Variants in VKORC1L1 observed in about 807,000 individuals in gnomAD.
The protein encoded by VKORC1L1 is vitamin K epoxide reductase complex subunit 1L1.
VKORC1L1 carries 2 observed loss-of-function variants against 18.9 expected under a neutral mutation model. That is an observed-to-expected ratio of 0.11 (90% CI 0.04 to 0.33). The LOEUF (loss-of-function observed/expected upper bound fraction) is 0.33, where lower values mean the gene tolerates loss of function less well. Ranked by LOEUF, VKORC1L1 falls within the 10% of genes least tolerant of loss-of-function variation. The pLI, the probability that VKORC1L1 is intolerant of heterozygous loss-of-function variation, is 1.00. For synonymous variants in VKORC1L1, 96 were observed against 100.0 expected (o/e 0.96, Z 0.24); for missense variants, 123 against 224.1 (o/e 0.55, Z 2.88).
upstream of VKORC1L1, among the ~76,000 whole-genome samples, chr7:65,872,961 T>TCCGCCCCTCCCCACCCCTGCC (rs1360046123): frequency 7.5e-6 from 1 of 132,744 alleles, no homozygotes; most frequent in Non-Finnish European, 1.6e-5. Context: ...CCTCTCTGGC[T>TCCGCCCCTCCCCACCCCTGCC]CCGCCCCTCC....
At chr7:65,932,850 C>T (rs1282835315) in intron 1 of VKORC1L1, among the ~76,000 whole-genome samples, 1 of 152,010 alleles carries the variant, frequency 6.6e-6, no homozygotes, top group Non-Finnish European at 1.5e-5. Context: ...GAGGCCAAGG[C>T]GGGTGGATCA....
intron 1 of VKORC1L1, among the ~76,000 whole-genome samples, chr7:65,883,004 T>C (rs1045582680): frequency 5.9e-5 from 9 of 152,174 alleles, no homozygotes; most frequent in South Asian, 2.1e-4. Flanking sequence ...TCTTTGTGAA[T>C]CCGGTTTTTC....
chr7:65,873,143 G>C lies in VKORC1L1; in HGVS notation c.-229G>C, dbSNP rs1025396218. On this transcript the variant is annotated 5_prime_UTR_variant, in exon 1 of 3. Transcript: ENST00000360768. ...ACCCCCTCCCTCCGCGCCCGCGCGC[G>C]CCTTCCCCGCCCCGTCCGCCTCACT... is the stretch of plus-strand genomic sequence containing the variant. The C allele has an allele frequency of 5.5e-6, 2 of 366,598 alleles. No individual in the cohort carries two copies. The highest frequency in any genetic ancestry group is 7.5e-6 in the Non-Finnish European group (2 of 264,906). 22.7% of individuals were successfully genotyped at this position (366,598 alleles called of 1,614,324 possible).
chr7:65,945,056 T>A (rs2115721948), intron 1 of VKORC1L1, among the ~76,000 whole-genome samples: 1 of 151,154 alleles, frequency 6.6e-6, no homozygotes, highest in South Asian at 2.1e-4. Flanking sequence ...AGGTCAGGTG[T>A]TCAAGACCAG....
At chr7:65,942,361 G>A (rs569915920) in intron 1 of VKORC1L1, among the ~76,000 whole-genome samples, 3 of 151,190 alleles carry the variant, frequency 2.0e-5, no homozygotes, top group East Asian at 2.0e-4. Context: ...ACATGGTGGC[G>A]GGCACCTATA....
At chr7:65,912,867 A>C (rs1034127166) in intron 1 of VKORC1L1, among the ~76,000 whole-genome samples, 3 of 152,242 alleles carry the variant, frequency 2.0e-5, no homozygotes, top group Non-Finnish European at 2.9e-5. Flanking sequence ...CATTTTAGTA[A>C]ATTTACAACA....
intron 1 of VKORC1L1, among the ~76,000 whole-genome samples, chr7:65,933,404 TG>T (rs1789890432): frequency 6.6e-6 from 1 of 152,222 alleles, no homozygotes; most frequent in Non-Finnish European, 1.5e-5. Flanking sequence ...TAAGTTCCCT[TG>T]TCCTGGAGAC....
At chr7:65,867,614 T>C in the VKORC1L1 span, among the ~76,000 whole-genome samples, 28 of 152,272 alleles carry the variant, frequency 1.8e-4, no homozygotes, top group Middle Eastern at 6.8e-3. Flanking sequence ...AAACCTGTGC[T>C]GGGACTGTTG....
chr7:65,898,212 C>T (rs1307959529), intron 1 of VKORC1L1, among the ~76,000 whole-genome samples: 5 of 151,032 alleles, frequency 3.3e-5, no homozygotes, highest in Admixed American at 1.3e-4. Context: ...CTTAGCCTCC[C>T]GAGTGTATGG....
chr7:65,889,140 G>A (rs1486832257), intron 1 of VKORC1L1, among the ~76,000 whole-genome samples: 1 of 135,314 alleles, frequency 7.4e-6, no homozygotes, highest in Non-Finnish European at 1.6e-5. Context: ...ATTAAATGTT[G>A]ATGTCCCACC....
intron 1 of VKORC1L1, among the ~76,000 whole-genome samples, chr7:65,883,723 C>T (rs1788966534): frequency 6.6e-6 from 1 of 152,016 alleles, no homozygotes; most frequent in Admixed American, 6.6e-5. Flanking sequence ...TGGTCTCGAC[C>T]TCCTGACCTC....
intron 1 of VKORC1L1, among the ~76,000 whole-genome samples, chr7:65,889,247 A>C (rs189784485): frequency 1.3e-5 from 2 of 151,944 alleles, no homozygotes; most frequent in African/African-American, 4.8e-5. Flanking sequence ...TTTTATCTCT[A>C]CCCCAACCTC....
chr7:65,868,069 A>ATTC, the VKORC1L1 span, among the ~76,000 whole-genome samples: 1 of 152,048 alleles, frequency 6.6e-6, no homozygotes, highest in Admixed American at 6.6e-5. Flanking sequence ...CTGGTCTCAA[A>ATTC]CTCCTGACCT....
chr7:65,882,616 G>A (rs1583822528), intron 1 of VKORC1L1, among the ~76,000 whole-genome samples: 1 of 151,804 alleles, frequency 6.6e-6, no homozygotes, highest in East Asian at 1.9e-4. Context: ...CCTCCTCAGA[G>A]TTAGAAAGGA....
chr7:65,874,799 C>T (rs1788798728), intron 1 of VKORC1L1, among the ~76,000 whole-genome samples: 1 of 151,898 alleles, frequency 6.6e-6, no homozygotes, highest in Admixed American at 6.6e-5. Flanking sequence ...GAATGAGACT[C>T]CATCTCAAAT....
intron 1 of VKORC1L1, among the ~76,000 whole-genome samples, chr7:65,889,630 A>G (rs1789077461): frequency 6.6e-6 from 1 of 152,218 alleles, no homozygotes; most frequent in Non-Finnish European, 1.5e-5. Flanking sequence ...AAATAGACCA[A>G]TGCCAGCACT....
At chr7:65,944,962 CA>C (rs1790094032) in intron 1 of VKORC1L1, among the ~76,000 whole-genome samples, 1 of 150,736 alleles carries the variant, frequency 6.6e-6, no homozygotes, top group Admixed American at 6.6e-5. Context: ...ATTAGCGAGT[CA>C]AAAGATAATA....
rs1252294212 is a variant in VKORC1L1, at chr7:65,958,215, A to AT, written c.*3921dup. The AT allele has an allele frequency of 1.3e-5, 2 of 152,204 alleles. No individual in the cohort carries two copies. The highest frequency in any genetic ancestry group is 4.8e-5 in the African/African-American group (2 of 41,454). The allele number at this position is 152,204 out of a possible 1,614,324, so 9.4% of individuals were successfully genotyped here. A position where few individuals can be genotyped will look rare whatever the true frequency, so the allele number is the denominator to read the frequency against. ...GGGAGCCCCGGCTACTTGGTTAAAC[A>AT]TTTTTTACTACAAATTCGCCCAGAA... is the stretch of plus-strand genomic sequence containing the variant. On this transcript the variant is annotated 3_prime_UTR_variant, in exon 3 of 3. Coordinates refer to ENST00000360768, the MANE Select transcript of VKORC1L1 (RefSeq NM_173517.6).
rs1788752490 is a variant in VKORC1L1, at chr7:65,873,144, C to T, written c.-228C>T. On this transcript the variant is annotated 5_prime_UTR_variant, in exon 1 of 3. Coordinates refer to ENST00000360768, the MANE Select transcript of VKORC1L1 (RefSeq NM_173517.6). ...CCCCCTCCCTCCGCGCCCGCGCGCG[C>T]CTTCCCCGCCCCGTCCGCCTCACTC... 2.5e-6 allele frequency: 1 copy of T among 393,640 alleles called. No homozygotes were observed. The highest frequency in any genetic ancestry group is 2.2e-5 in the African/African-American group (1 of 45,898). The allele number at this position is 393,640 out of a possible 1,614,324, so 24.4% of individuals were successfully genotyped here. A position where few individuals can be genotyped will look rare whatever the true frequency, so the allele number is the denominator to read the frequency against.
Sources: gnomAD v4.1 joint callset for allele counts (sites outside exome capture counted in the v4.1 genomes callset) on GRCh38, gnomAD v4.1.1 for gene constraint, MANE v1.5 for transcripts, NCBI Gene and HGNC (gene_info 2026-07-23, HGNC 2026-07-21) for gene names.